Variants in DCLK1 observed in about 807,000 individuals in gnomAD.
The protein encoded by DCLK1 is doublecortin like kinase 1.
A neutral mutation model predicts 86.2 loss-of-function variants in DCLK1; 16 were observed. That is an observed-to-expected ratio of 0.19 (90% CI 0.13 to 0.28). The LOEUF (loss-of-function observed/expected upper bound fraction) is 0.28. Among genes scored for constraint, DCLK1 ranks in the 10% least tolerant of loss-of-function variants. The pLI is 1.00. For synonymous variants in DCLK1, 369 were observed against 370.5 expected, an observed-to-expected ratio of 1.00 and a Z score of 0.05; for missense variants, 590 against 940.2, an observed-to-expected ratio of 0.63 and a Z score of 4.87.
intron 2 of DCLK1, among the ~76,000 whole-genome samples, chr13:36,121,219 A>G (rs1377724585): frequency 6.6e-6 from 1 of 152,236 alleles, no homozygotes; most frequent in Non-Finnish European, 1.5e-5. Context: ...CAGTATGGAA[A>G]GGTCTTCAGG....
chr13:35,793,852 A>AT (rs1018628603), intron 15 of DCLK1, among the ~76,000 whole-genome samples: 19 of 151,680 alleles, frequency 1.3e-4, no homozygotes, highest in African/African-American at 4.1e-4. Context: ...CTTCTTTTTA[A>AT]TTTTTTTTTC....
intron 6 of DCLK1, chr13:35,850,790 G>C: frequency 6.3e-7 from 1 of 1,582,676 alleles, no homozygotes; most frequent in South Asian, 1.2e-5. Context: ...CAAGATGAAG[G>C]GCAGTATAGA....
chr13:36,001,572 C>T (rs958142146), intron 3 of DCLK1, among the ~76,000 whole-genome samples: 1 of 152,106 alleles, frequency 6.6e-6, no homozygotes, highest in Non-Finnish European at 1.5e-5. Flanking sequence ...CATCACACCC[C>T]TTGTCTGCCA....
At chr13:35,898,549 T>C (rs574855246) in intron 4 of DCLK1, among the ~76,000 whole-genome samples, 1 of 152,252 alleles carries the variant, frequency 6.6e-6, no homozygotes, top group African/African-American at 2.4e-5. Context: ...TGCAACAACA[T>C]TGAAGGAAAA....
In DCLK1 at chr13:35,817,440, C is replaced by T. The variant is rs967928128; in HGVS notation, c.1554+5289G>A. The stretch of plus-strand genomic sequence containing the variant: ...TCTGCCCGGACACTCACAATGACTA[C>T]AAGCTACCAGTAATAAAGGACATTT... On this transcript the variant is annotated intron_variant, in intron 11 of 16. Coordinates refer to ENST00000360631, the MANE Select transcript of DCLK1 (RefSeq NM_001330071.2). 2.0e-5 allele frequency among the ~76,000 whole-genome samples: 3 copies of T among 152,140 alleles called. No homozygotes were observed. The South Asian group carries it at 6.2e-4, about 31-fold the overall frequency.
At chr13:35,982,594 AG>A (rs1879713771) in intron 3 of DCLK1, among the ~76,000 whole-genome samples, 1 of 152,156 alleles carries the variant, frequency 6.6e-6, no homozygotes, top group Admixed American at 6.5e-5. Flanking sequence ...ACATTAACAA[AG>A]CAAAACAAAA....
intron 3 of DCLK1, among the ~76,000 whole-genome samples, chr13:36,058,853 G>A (rs1485512526): frequency 6.6e-6 from 1 of 152,112 alleles, no homozygotes; most frequent in Non-Finnish European, 1.5e-5. Context: ...ATTCAGAGCT[G>A]GAACTCCCTG....
chr13:35,775,697 G>A (rs948307499), intron 16 of DCLK1, among the ~76,000 whole-genome samples: 1 of 152,160 alleles, frequency 6.6e-6, no homozygotes, highest in African/African-American at 2.4e-5. Context: ...TAGCCTGGAG[G>A]TTATTCTGCT....
chr13:35,937,488 G>A (rs118152886), intron 4 of DCLK1, among the ~76,000 whole-genome samples: 2,082 of 152,158 alleles, frequency 0.014, 39 homozygotes, highest in East Asian at 0.054. Flanking sequence ...GCAGAGTAGG[G>A]GACTCACCAC....
intron 2 of DCLK1, among the ~76,000 whole-genome samples, chr13:36,113,047 T>A (rs1167254430): frequency 1.3e-5 from 2 of 152,196 alleles, no homozygotes; most frequent in East Asian, 3.9e-4. Context: ...TAAAGTTAGG[T>A]CAAAGCCTTT....
At chr13:35,995,547 A>G (rs999258953) in intron 3 of DCLK1, among the ~76,000 whole-genome samples, 2 of 152,224 alleles carry the variant, frequency 1.3e-5, no homozygotes. Context: ...ACTGAGGCCA[A>G]TTCAAATGTT....
At chr13:35,940,100 A>T (rs929378732) in intron 4 of DCLK1, among the ~76,000 whole-genome samples, 1 of 152,128 alleles carries the variant, frequency 6.6e-6, no homozygotes, top group Non-Finnish European at 1.5e-5. Flanking sequence ...ATGTGCCTGT[A>T]GTCCCAGCTA....
At chr13:35,798,590 G>A (rs1455803743) in intron 15 of DCLK1, among the ~76,000 whole-genome samples, 1 of 152,146 alleles carries the variant, frequency 6.6e-6, no homozygotes, top group Admixed American at 6.5e-5. Context: ...TCTTCAGCAT[G>A]GCCCTATGAT....
chr13:36,101,683 G>A (rs1464142905), intron 3 of DCLK1, among the ~76,000 whole-genome samples: 1 of 152,042 alleles, frequency 6.6e-6, no homozygotes, highest in Admixed American at 6.6e-5. Context: ...CTGCTCCCTG[G>A]TGGCCTTGCT....
chr13:35,862,228 T>C (rs1871453438), intron 5 of DCLK1, among the ~76,000 whole-genome samples: 1 of 141,890 alleles, frequency 7.0e-6, no homozygotes, highest in African/African-American at 2.5e-5. Flanking sequence ...CAGTTATTTA[T>C]TTCCAATTGC....
chr13:36,102,029 C>T, intron 3 of DCLK1, among the ~76,000 whole-genome samples: 1 of 152,260 alleles, frequency 6.6e-6, no homozygotes. Flanking sequence ...AGGCATGAGC[C>T]ACCGCACCTG....
intron 4 of DCLK1, among the ~76,000 whole-genome samples, chr13:35,893,108 G>A (rs569689598): frequency 1.3e-5 from 2 of 152,306 alleles, no homozygotes; most frequent in South Asian, 2.1e-4. Flanking sequence ...TTCAATGAAC[G>A]GTGAATGAAG....
chr13:35,947,220 A>C (rs1369706882), intron 4 of DCLK1, 138 bp downstream of exon 4: 2 of 540,606 alleles, frequency 3.7e-6, no homozygotes, highest in Admixed American at 3.3e-5. Flanking sequence ...AAGAAATCCA[A>C]GATATGGAAA....
chr13:35,950,395 A>G (rs979564868), intron 3 of DCLK1, among the ~76,000 whole-genome samples: 15 of 152,216 alleles, frequency 9.9e-5, no homozygotes, highest in African/African-American at 3.4e-4. Context: ...ATGTACATTG[A>G]GAATTTTCCT....
Sources: allele counts gnomAD v4.1 joint callset (sites outside exome capture counted in the v4.1 genomes callset), GRCh38; gene constraint gnomAD v4.1.1; transcripts MANE v1.5; gene names NCBI Gene and HGNC (gene_info 2026-07-23, HGNC 2026-07-21).